Variants in FHIT observed in about 807,000 individuals in gnomAD.
FHIT encodes bis(5'-adenosyl)-triphosphatase.
A neutral mutation model predicts 17.9 loss-of-function variants in FHIT; 19 were observed. That is an observed-to-expected ratio of 1.06 (90% CI 0.74 to 1.56). FHIT has a LOEUF of 1.56. Ranked by LOEUF, FHIT falls within the 40% of genes most tolerant of loss-of-function variation. FHIT has a pLI of 0.00. For missense variants in FHIT, 248 were observed against 189.2 expected (o/e 1.31, Z -1.82); for synonymous variants, 81 against 69.7 (o/e 1.16, Z -0.81).
At chr3:61,186,932 C>T (rs2038533131) in intron 2 of FHIT, among the ~76,000 whole-genome samples, 1 of 152,156 alleles carries the variant, frequency 6.6e-6, no homozygotes, top group Admixed American at 6.5e-5. Flanking sequence ...AGGAGGCCTG[C>T]TATGTTTTGC....
chr3:61,070,146 G>A (rs527541069), intron 2 of FHIT, among the ~76,000 whole-genome samples: 67 of 152,194 alleles, frequency 4.4e-4, no homozygotes, highest in Non-Finnish European at 7.8e-4. Context: ...CACTCAACTC[G>A]GCTTCCCAAA....
At chr3:60,930,163 A>G (rs1707868221) in intron 3 of FHIT, among the ~76,000 whole-genome samples, 1 of 151,976 alleles carries the variant, frequency 6.6e-6, no homozygotes, top group Non-Finnish European at 1.5e-5. Context: ...GGCTAGCCAT[A>G]TGTAGAAAGC....
intron 2 of FHIT, among the ~76,000 whole-genome samples, chr3:61,156,869 G>C (rs1191351597): frequency 6.6e-6 from 1 of 152,096 alleles, no homozygotes; most frequent in East Asian, 1.9e-4. Flanking sequence ...CACATTATAG[G>C]ACCCTCTTTC....
At chr3:61,200,831 A>T (rs1478282886) in intron 1 of FHIT, among the ~76,000 whole-genome samples, 166 bp from the exon 2 acceptor site, 7 of 152,344 alleles carry the variant, frequency 4.6e-5, no homozygotes, top group Middle Eastern at 3.4e-3. Flanking sequence ...GAGGCCAAAA[A>T]AAGACAGTCA....
intron 3 of FHIT, among the ~76,000 whole-genome samples, chr3:61,032,042 C>T (rs762492307): frequency 6.6e-6 from 1 of 152,160 alleles, no homozygotes; most frequent in Non-Finnish European, 1.5e-5. Flanking sequence ...AGCTATAGAA[C>T]ATAAGAGGAG....
chr3:61,138,143 C>T (rs1389562894), intron 2 of FHIT, among the ~76,000 whole-genome samples: 1 of 152,242 alleles, frequency 6.6e-6, no homozygotes, highest in Non-Finnish European at 1.5e-5. Context: ...TAATCTAAGA[C>T]ATGGCTTCCC....
At chr3:60,183,874 G>C (rs1702049277) in intron 5 of FHIT, among the ~76,000 whole-genome samples, 1 of 152,100 alleles carries the variant, frequency 6.6e-6, no homozygotes, top group Admixed American at 6.5e-5. Flanking sequence ...ATTATAAAGA[G>C]TTCAGAGTTC....
chr3:60,653,324 A>T (rs2040039035), intron 4 of FHIT, among the ~76,000 whole-genome samples: 1 of 152,186 alleles, frequency 6.6e-6, no homozygotes, highest in South Asian at 2.1e-4. Flanking sequence ...GATAAGAAAG[A>T]GCTCTTTGGA....
intron 5 of FHIT, among the ~76,000 whole-genome samples, chr3:60,078,331 A>T (rs1349491545): frequency 6.6e-6 from 1 of 152,180 alleles, no homozygotes; most frequent in Non-Finnish European, 1.5e-5. Context: ...GATATAATGC[A>T]CTAAGAAGGA....
At chr3:60,652,948 CA>C (rs2040029040) in intron 4 of FHIT, among the ~76,000 whole-genome samples, 1 of 150,906 alleles carries the variant, frequency 6.6e-6, no homozygotes, top group Non-Finnish European at 1.5e-5. Flanking sequence ...CAAAACAAAA[CA>C]AAACAAAACC....
chr3:60,794,160 AAGG>A (rs1700890362), intron 4 of FHIT, among the ~76,000 whole-genome samples: 1 of 152,070 alleles, frequency 6.6e-6, no homozygotes, highest in African/African-American at 2.4e-5. Context: ...AAATCCTTCT[AAGG>A]AAAAATATAC....
intron 7 of FHIT, among the ~76,000 whole-genome samples, chr3:59,999,600 C>T (rs189673605): frequency 4.6e-5 from 7 of 152,162 alleles, no homozygotes; most frequent in Admixed American, 3.3e-4. Context: ...ACTTCAACTC[C>T]GACTGGCTTA....
intron 3 of FHIT, among the ~76,000 whole-genome samples, chr3:60,935,081 G>A (rs782232356): frequency 8.6e-5 from 13 of 151,856 alleles, no homozygotes; most frequent in Non-Finnish European, 1.6e-4. Flanking sequence ...AGAGACAGAT[G>A]GACACCATAA....
intron 5 of FHIT, among the ~76,000 whole-genome samples, chr3:60,196,547 AG>A (rs1483103761): frequency 1.3e-5 from 2 of 152,082 alleles, no homozygotes; most frequent in African/African-American, 2.4e-5. Flanking sequence ...TGGTCATGTA[AG>A]GTAACATTCA....
intron 4 of FHIT, among the ~76,000 whole-genome samples, chr3:60,604,162 G>A (rs556563530): frequency 1.3e-5 from 2 of 152,232 alleles, no homozygotes; most frequent in African/African-American, 2.4e-5. Flanking sequence ...TTTACATTTA[G>A]TACAGTGAGA....
At chr3:59,839,096 C>T (rs1394473547) in intron 8 of FHIT, among the ~76,000 whole-genome samples, 3 of 152,072 alleles carry the variant, frequency 2.0e-5, no homozygotes, top group Non-Finnish European at 4.4e-5. Flanking sequence ...GCAGGTGGAT[C>T]ACTTGAGGTC....
intron 2 of FHIT, among the ~76,000 whole-genome samples, chr3:61,161,137 TAAAA>T (rs201875023): frequency 7.5e-6 from 1 of 133,348 alleles, no homozygotes; most frequent in Non-Finnish European, 1.6e-5. Flanking sequence ...CATCCACAGT[TAAAA>T]AAAAAAAAAA....
At chr3:61,230,673 T>C (rs897018057) in intron 1 of FHIT, among the ~76,000 whole-genome samples, 4 of 152,152 alleles carry the variant, frequency 2.6e-5, no homozygotes, top group African/African-American at 9.7e-5. Context: ...CAAACCATAA[T>C]ATTGTTTTTA....
chr3:61,180,150 T>A (rs2038293940), intron 2 of FHIT, among the ~76,000 whole-genome samples: 1 of 152,178 alleles, frequency 6.6e-6, no homozygotes, highest in Non-Finnish European at 1.5e-5. Flanking sequence ...CCTCACGGCA[T>A]CAATTTATAT....
Sources: gnomAD v4.1 joint callset for allele counts (sites outside exome capture counted in the v4.1 genomes callset) on GRCh38, gnomAD v4.1.1 for gene constraint, MANE v1.5 for transcripts, NCBI Gene and HGNC (gene_info 2026-07-23, HGNC 2026-07-21) for gene names.